INPP5B: variants seen among roughly 807,000 people sequenced by gnomAD.
INPP5B encodes inositol polyphosphate-5-phosphatase B.
In INPP5B, 90 loss-of-function variants were observed where a neutral mutation model predicts 118.5. That is an observed-to-expected ratio of 0.76 (90% CI 0.64 to 0.90). INPP5B has a LOEUF of 0.90. Ranked by LOEUF, INPP5B falls within the 40% of genes least tolerant of loss-of-function variation. INPP5B has a pLI of 0.00. For missense variants in INPP5B, 984 were observed against 1,125.6 expected (o/e 0.87, Z 1.80); for synonymous variants, 385 against 418.9 (o/e 0.92, Z 0.99).
chr1:37,913,272 AAAC>A (rs1644761128), intron 7 of INPP5B, among the ~76,000 whole-genome samples: 2 of 152,252 alleles, frequency 1.3e-5, no homozygotes, highest in East Asian at 3.9e-4. Flanking sequence ...ACAAAAACAA[AAAC>A]AACAAAAAAC....
chr1:37,900,548 C>T (rs1219226607), intron 7 of INPP5B, among the ~76,000 whole-genome samples: 2 of 151,508 alleles, frequency 1.3e-5, no homozygotes, highest in South Asian at 2.1e-4. Context: ...CCACTGCGCC[C>T]GGCTGAACTA....
Position 37,941,184 on chromosome 1 carries a change from A to T in INPP5B, c.281-386T>A, listed in dbSNP as rs143243623. On this transcript the variant is annotated intron_variant, in intron 5 of 23. Coordinates refer to ENST00000373024, the MANE Select transcript of INPP5B (RefSeq NM_005540.3). The stretch of plus-strand genomic sequence containing the variant: ...ACCTGACTATGCCAGGTAGTGTGAT[A>T]GGCACAGGGAATACCATGGTGAAGA... Among the ~76,000 whole-genome samples, 225 of 152,254 alleles carry T rather than the reference A, an allele frequency of 1.5e-3. 2 individuals are homozygous for T. The highest frequency in any genetic ancestry group is 5.1e-3 in the African/African-American group (211 of 41,550).
In INPP5B at chr1:37,882,867, C is replaced by T; in HGVS notation, c.1371G>A (p.Val457=). The change falls in exon 14 of 24, where the codon GTG becomes GTA. Residue 457 remains valine (V), a synonymous_variant. Coordinates refer to ENST00000373024, the MANE Select transcript of INPP5B (RefSeq NM_005540.3). ...DLNYRIEELD[V]EKVKKLIEEK... ...CTTCGATGAGCTTTTTCACTTTTTC[C>T]ACATCCAGCTCTTCTATCCTGTAGT... The T allele has an allele frequency of 6.2e-7, 1 of 1,614,002 alleles. No individual in the cohort carries two copies.
chr1:37,869,459 T>TTTTATTTA (rs200339798), intron 19 of INPP5B, among the ~76,000 whole-genome samples: 2 of 151,288 alleles, frequency 1.3e-5, no homozygotes, highest in African/African-American at 4.9e-5. Flanking sequence ...GGTCCACTGT[T>TTTTATTTA]TTTATTTATT....
At chr1:37,931,890 T>A (rs1360870678) in intron 7 of INPP5B, 23 bp downstream of exon 7, 3 of 1,613,786 alleles carry the variant, frequency 1.9e-6, no homozygotes, top group Non-Finnish European at 2.5e-6. Context: ...ATCCCCACCG[T>A]TTCTTCCGGG....
chr1:37,866,730 T>TC (rs1642072955), intron 20 of INPP5B, among the ~76,000 whole-genome samples, 187 bp from the exon 21 acceptor site: 1 of 152,198 alleles, frequency 6.6e-6, no homozygotes, highest in Admixed American at 6.5e-5. Flanking sequence ...CTGGCATGTT[T>TC]CTACAATAGG....
intron 16 of INPP5B, among the ~76,000 whole-genome samples, chr1:37,877,785 G>A (rs1642932862): frequency 6.6e-6 from 1 of 152,012 alleles, no homozygotes; most frequent in African/African-American, 2.4e-5. Flanking sequence ...TGAGAAGAAA[G>A]CTCTACCTTC....
chr1:37,933,899 TTTTATTTATTTATTTATTTATTTATTTA>T (rs140877171), intron 6 of INPP5B, among the ~76,000 whole-genome samples: 3 of 134,946 alleles, frequency 2.2e-5, no homozygotes, highest in East Asian at 2.2e-4. Context: ...TCAATTTTTA[TTTTATTTATTTATTTATTTATTTATTTA>T]TTTATTTATT....
At chr1:37,927,352 C>T (rs1645268936) in intron 7 of INPP5B, among the ~76,000 whole-genome samples, 1 of 151,900 alleles carries the variant, frequency 6.6e-6, no homozygotes, top group African/African-American at 2.4e-5. Context: ...TACCAATCTA[C>T]CGATTCAACT....
chr1:37,918,002 G>A (rs1644933276), intron 7 of INPP5B, among the ~76,000 whole-genome samples: 1 of 151,976 alleles, frequency 6.6e-6, no homozygotes, highest in African/African-American at 2.4e-5. Context: ...GTCTGATTCT[G>A]GACTCTTTCC....
intron 7 of INPP5B, among the ~76,000 whole-genome samples, chr1:37,895,497 C>T (rs1044241421): frequency 2.6e-5 from 4 of 151,776 alleles, no homozygotes; most frequent in African/African-American, 9.7e-5. Context: ...CTCCCCCTCC[C>T]CCTCCCTCTC....
intron 7 of INPP5B, among the ~76,000 whole-genome samples, chr1:37,911,289 A>G (rs573633695): frequency 7.5e-4 from 114 of 152,218 alleles, no homozygotes; most frequent in African/African-American, 2.7e-3. Flanking sequence ...TCTTTCAGCT[A>G]TACTCACTCT....
At chr1:37,863,187 C>G (rs529696847) in intron 23 of INPP5B, among the ~76,000 whole-genome samples, 12 of 150,866 alleles carry the variant, frequency 8.0e-5, no homozygotes, top group African/African-American at 2.9e-4. Flanking sequence ...CTCTCCCATC[C>G]TGCAGTGGGG....
chr1:37,905,802 G>T (rs1644484359), intron 7 of INPP5B, among the ~76,000 whole-genome samples: 1 of 152,228 alleles, frequency 6.6e-6, no homozygotes, highest in Non-Finnish European at 1.5e-5. Context: ...TAACTGCATG[G>T]ACTGAACTAA....
At position 37,903,583 on chromosome 1, in the gene INPP5B, C is replaced by T. The variant is rs1325976565; in HGVS notation, c.533-12129G>A. Among the ~76,000 whole-genome samples, 6 of 152,206 alleles carry T rather than the reference C, an allele frequency of 3.9e-5. No homozygotes were observed. In the East Asian group the frequency reaches 1.2e-3, roughly 29 times the overall value. ...CTACTAAAAAATACAAAAAACTAGCCGGGCATGGTGGCGGGTGCCTGTAGT... is the reference window on the plus strand; with the variant it reads ...CTACTAAAAAATACAAAAAACTAGCTGGGCATGGTGGCGGGTGCCTGTAGT... On this transcript the variant is annotated intron_variant, in intron 7 of 23. Transcript: ENST00000373024.
intron 7 of INPP5B, among the ~76,000 whole-genome samples, chr1:37,928,179 T>A (rs1645311704): frequency 6.6e-6 from 1 of 152,024 alleles, no homozygotes; most frequent in African/African-American, 2.4e-5. Flanking sequence ...AAACAGCTTT[T>A]TTTTTTCTGA....
chr1:37,937,807 A>C (rs528138453), intron 6 of INPP5B, among the ~76,000 whole-genome samples: 8 of 151,704 alleles, frequency 5.3e-5, no homozygotes, highest in South Asian at 2.1e-4. Flanking sequence ...AATAAAAATA[A>C]AAATACAAAA....
In INPP5B at chr1:37,945,739, C is replaced by T. The variant is rs1363981752; in HGVS notation, c.152+17G>A. On this transcript the variant is annotated intron_variant, in intron 3 of 23. Transcript: ENST00000373024. The stretch of plus-strand genomic sequence containing the variant: ...ACCCCATGGCCCAGACAGGTGGGGA[C>T]CAAGCCCCTCACTCACGCGTGTTCC... The T allele has an allele frequency of 6.2e-7, 1 of 1,602,710 alleles. No homozygotes were observed. The highest frequency in any genetic ancestry group is 1.7e-5 in the Admixed American group (1 of 59,818).
intron 20 of INPP5B, among the ~76,000 whole-genome samples, chr1:37,868,128 G>A (rs955376182): frequency 1.3e-5 from 2 of 151,996 alleles, no homozygotes; most frequent in Non-Finnish European, 2.9e-5. Flanking sequence ...CCTGAGGTCA[G>A]AAGTTGCAAG....
Sources: allele counts gnomAD v4.1 joint callset (sites outside exome capture counted in the v4.1 genomes callset), GRCh38; gene constraint gnomAD v4.1.1; transcripts MANE v1.5; gene names NCBI Gene and HGNC (gene_info 2026-07-23, HGNC 2026-07-21).